Variants in CHCHD3 observed in about 807,000 individuals in gnomAD.
CHCHD3 encodes the protein MICOS complex subunit MIC19.
In CHCHD3, 20 loss-of-function variants were observed where a neutral mutation model predicts 38.2. That is an observed-to-expected ratio of 0.52 (90% CI 0.37 to 0.76). CHCHD3 has a LOEUF of 0.76. Among genes scored for constraint, CHCHD3 ranks in the 30% least tolerant of loss-of-function variants. The probability of loss-of-function intolerance (pLI) is 0.00; values close to 1 mark genes in which losing one functional copy is unlikely to be tolerated. For synonymous variants in CHCHD3, 82 were observed against 100.0 expected, an observed-to-expected ratio of 0.82 and a Z score of 1.07; for missense variants, 245 against 279.2, an observed-to-expected ratio of 0.88 and a Z score of 0.87.
At chr7:132,977,513 C>T (rs970630174) in intron 3 of CHCHD3, among the ~76,000 whole-genome samples, 3 of 152,154 alleles carry the variant, frequency 2.0e-5, no homozygotes, top group Non-Finnish European at 4.4e-5. Context: ...GTATTTAACG[C>T]ATTTGTATGG....
Position 133,070,382 on chromosome 7 carries a change from G to A in CHCHD3, c.82-153C>T, listed in dbSNP as rs188614606. The stretch of plus-strand genomic sequence containing the variant: ...AATCTAACAGCCATAAAACCAGAAG[G>A]AAGAATAATTTTAAGATTTCGAGAT... On this transcript the variant is annotated intron_variant, in intron 1 of 7. Coordinates refer to ENST00000262570, the MANE Select transcript of CHCHD3 (RefSeq NM_017812.4). Among the ~76,000 whole-genome samples, 130 of 152,202 alleles carry A rather than the reference G, an allele frequency of 8.5e-4. 1 individual carries two copies. The highest frequency in any genetic ancestry group is 1.6e-3 in the Non-Finnish European group (109 of 68,004).
At chr7:132,955,172 G>GA (rs1811128141) in intron 4 of CHCHD3, among the ~76,000 whole-genome samples, 1 of 129,854 alleles carries the variant, frequency 7.7e-6, no homozygotes, top group Admixed American at 8.2e-5. Flanking sequence ...TTCCCTCAGA[G>GA]GGTGTGTGTG....
At chr7:132,928,905 C>G (rs1169420398) in intron 4 of CHCHD3, among the ~76,000 whole-genome samples, 2 of 152,072 alleles carry the variant, frequency 1.3e-5, no homozygotes, top group Non-Finnish European at 2.9e-5. Flanking sequence ...ACCCTCGAAC[C>G]TACTCCCTCC....
intron 5 of CHCHD3, among the ~76,000 whole-genome samples, chr7:132,881,583 C>T (rs1322536238): frequency 1.3e-5 from 2 of 152,072 alleles, no homozygotes; most frequent in Non-Finnish European, 2.9e-5. Context: ...AATGATACAC[C>T]ATCTGGTATC....
chr7:132,872,227 A>C (rs190797642), intron 5 of CHCHD3, among the ~76,000 whole-genome samples: 1 of 152,350 alleles, frequency 6.6e-6, no homozygotes, highest in East Asian at 1.9e-4. Context: ...AGTTGAAACA[A>C]GTGCACACTC....
chr7:132,927,005 C>A (rs1010426402), intron 4 of CHCHD3, among the ~76,000 whole-genome samples: 1 of 152,080 alleles, frequency 6.6e-6, no homozygotes, highest in Non-Finnish European at 1.5e-5. Context: ...ATAAGCAGCT[C>A]TCTATTATGG....
At chr7:133,011,679 AG>A (rs1266088152) in intron 3 of CHCHD3, among the ~76,000 whole-genome samples, 2 of 152,184 alleles carry the variant, frequency 1.3e-5, no homozygotes, top group Non-Finnish European at 2.9e-5. Context: ...CAAAGGTGAG[AG>A]GTAATTCATT....
intron 6 of CHCHD3, among the ~76,000 whole-genome samples, chr7:132,808,747 T>A (rs926208815): frequency 1.3e-4 from 19 of 147,152 alleles, no homozygotes; most frequent in South Asian, 8.8e-4. Flanking sequence ...TTTTTTTTTT[T>A]ATTATACTTT....
At chr7:132,890,859 A>G (rs1784915052) in intron 4 of CHCHD3, among the ~76,000 whole-genome samples, 1 of 152,250 alleles carries the variant, frequency 6.6e-6, no homozygotes, top group African/African-American at 2.4e-5. Context: ...ATCTTTCACT[A>G]TAATATGGAT....
At chr7:133,041,111 A>C (rs1478530362) in intron 2 of CHCHD3, among the ~76,000 whole-genome samples, 1 of 152,170 alleles carries the variant, frequency 6.6e-6, no homozygotes, top group Non-Finnish European at 1.5e-5. Flanking sequence ...CTGCCATGCC[A>C]TGTGTTTATG....
At chr7:132,951,699 A>C (rs1043337668) in intron 4 of CHCHD3, among the ~76,000 whole-genome samples, 3 of 152,260 alleles carry the variant, frequency 2.0e-5, no homozygotes, top group Admixed American at 2.0e-4. Context: ...CTGGATATCA[A>C]AAATATATTT....
intron 5 of CHCHD3, among the ~76,000 whole-genome samples, chr7:132,860,762 G>A (rs975544163): frequency 4.6e-5 from 7 of 152,004 alleles, no homozygotes; most frequent in African/African-American, 9.7e-5. Context: ...AAATAGATGC[G>A]ATTACAGGTG....
chr7:132,828,168 A>G (rs149117014), intron 6 of CHCHD3, among the ~76,000 whole-genome samples: 2 of 152,312 alleles, frequency 1.3e-5, no homozygotes, highest in African/African-American at 4.8e-5. Context: ...CAGCAAGTGT[A>G]TGCTTTACAT....
chr7:132,848,009 G>GT (rs1808124451), intron 5 of CHCHD3, among the ~76,000 whole-genome samples: 1 of 152,176 alleles, frequency 6.6e-6, no homozygotes, highest in African/African-American at 2.4e-5. Flanking sequence ...TTCAAGGATG[G>GT]TGGCAACTCC....
At chr7:132,992,647 G>A (rs1812313675) in intron 3 of CHCHD3, among the ~76,000 whole-genome samples, 1 of 151,970 alleles carries the variant, frequency 6.6e-6, no homozygotes, top group African/African-American at 2.4e-5. Flanking sequence ...TACTCCTTAT[G>A]TTATTATTTT....
chr7:133,046,314 G>C (rs1813980502), intron 2 of CHCHD3, among the ~76,000 whole-genome samples: 1 of 152,098 alleles, frequency 6.6e-6, no homozygotes, highest in Non-Finnish European at 1.5e-5. Context: ...AAATATGAAT[G>C]ATACCCTAAA....
chr7:132,909,913 T>C (rs377744365), intron 4 of CHCHD3, among the ~76,000 whole-genome samples: 42 of 152,228 alleles, frequency 2.8e-4, no homozygotes, highest in Non-Finnish European at 5.1e-4. Flanking sequence ...CAAAGTGTTA[T>C]TGCTTAGAGG....
At chr7:133,072,413 GAGAT>G in intron 1 of CHCHD3, among the ~76,000 whole-genome samples, 1 of 152,132 alleles carries the variant, frequency 6.6e-6, no homozygotes, top group East Asian at 1.9e-4. Context: ...ACAGGCCTAT[GAGAT>G]AGATACTTTT....
chr7:132,872,325 C>T (rs1271749352), intron 5 of CHCHD3, among the ~76,000 whole-genome samples: 3 of 152,144 alleles, frequency 2.0e-5, no homozygotes, highest in Admixed American at 1.3e-4. Context: ...AGGTACAATC[C>T]GCATAGCAAG....
Sources: allele counts gnomAD v4.1 joint callset (sites outside exome capture counted in the v4.1 genomes callset), GRCh38; gene constraint gnomAD v4.1.1; transcripts MANE v1.5; gene names NCBI Gene and HGNC (gene_info 2026-07-23, HGNC 2026-07-21).